CPS1: variants seen among roughly 807,000 people sequenced by gnomAD.
CPS1 encodes carbamoyl-phosphate synthase 1.
In CPS1, 109 loss-of-function variants were observed where a neutral mutation model predicts 174.6. The observed-to-expected ratio is 0.62, with a 90% CI of 0.53 to 0.73. CPS1 has a LOEUF of 0.73. CPS1 is among the 30% of genes least tolerant of loss of function. The probability of loss-of-function intolerance (pLI) is 0.00; values close to 1 mark genes in which losing one functional copy is unlikely to be tolerated. For missense variants in CPS1, 1,689 were observed against 1,821.9 expected, an observed-to-expected ratio of 0.93 and a Z score of 1.33; for synonymous variants, 637 against 632.0, an observed-to-expected ratio of 1.01 and a Z score of -0.12.
At chr2:210,494,040 T>C (rs1314791743) in intron 1 of CPS1, among the ~76,000 whole-genome samples, 1 of 152,158 alleles carries the variant, frequency 6.6e-6, no homozygotes, top group Non-Finnish European at 1.5e-5. Flanking sequence ...TTAAACCTAA[T>C]CTAAACCCAA....
chr2:210,668,286 T>C lies in CPS1; in HGVS notation c.4101+2T>C, dbSNP rs767575696. The C allele has an allele frequency of 6.2e-7, 1 of 1,608,240 alleles. No homozygotes were observed. The highest frequency in any genetic ancestry group is 8.5e-7 in the Non-Finnish European group (1 of 1,174,732). ...AAAGGCATCCTGATAGGCATCCAGG[T>C]AAGTGGTTTGTGGCTGTGTGCTTGC... is the stretch of plus-strand genomic sequence containing the variant. On this transcript the variant is annotated splice_donor_variant, in intron 34 of 37. Transcript: ENST00000233072. LOFTEE classifies it high-confidence loss of function.
chr2:210,642,458 T>C (rs759771286), intron 24 of CPS1, 26 bp from the exon 25 acceptor site: 2 of 1,613,214 alleles, frequency 1.2e-6, no homozygotes, highest in Non-Finnish European at 8.5e-7. Flanking sequence ...CTCTTATCCC[T>C]TTTGCCAATC....
At chr2:210,515,295 C>G (rs916896274) in intron 1 of CPS1, among the ~76,000 whole-genome samples, 2 of 151,024 alleles carry the variant, frequency 1.3e-5, no homozygotes, top group Admixed American at 1.3e-4. Context: ...CTTTGTATGT[C>G]TGGTAGAATT....
At chr2:210,616,661 T>G in intron 21 of CPS1, 120 bp downstream of exon 21, 1 of 769,886 alleles carries the variant, frequency 1.3e-6, no homozygotes, top group Non-Finnish European at 2.3e-6. Context: ...AGTGCCATTG[T>G]TGGAAAATAG....
chr2:210,581,779 TCTC>T, intron 5 of CPS1, among the ~76,000 whole-genome samples: 1 of 152,140 alleles, frequency 6.6e-6, no homozygotes, highest in South Asian at 2.1e-4. Flanking sequence ...CCAAGTGACT[TCTC>T]CTTCAAGGAA....
Position 210,590,792 on chromosome 2 carries a change from T to A in CPS1, c.841-8T>A. 1 of 1,607,560 alleles carries A rather than the reference T, an allele frequency of 6.2e-7. No homozygotes were observed. Among genetic ancestry groups the A allele is most frequent in the Non-Finnish European group, 8.5e-7 (1 of 1,175,222 alleles). On this transcript the variant is annotated splice_region_variant and splice_polypyrimidine_tract_variant and intron_variant, in intron 8 of 37. Coordinates refer to ENST00000233072, the MANE Select transcript of CPS1 (RefSeq NM_001875.5). ...CTAATTGGTTAATAAAAATTCTCCC[T>A]GATTTAGATTTTGGAGAGTGATCGC...
intron 1 of CPS1, among the ~76,000 whole-genome samples, chr2:210,518,220 A>G (rs1473841073): frequency 6.6e-6 from 1 of 152,020 alleles, no homozygotes; most frequent in Non-Finnish European, 1.5e-5. Flanking sequence ...AGTGATCTCT[A>G]TGATGATGCT....
chr2:210,545,461 G>A (rs768466608), intron 1 of CPS1, among the ~76,000 whole-genome samples: 17 of 151,934 alleles, frequency 1.1e-4, no homozygotes, highest in Non-Finnish European at 1.8e-4. Flanking sequence ...CTTATTGGGT[G>A]TGGTAGTAGC....
At chr2:210,497,553 C>T (rs551442550) in intron 1 of CPS1, among the ~76,000 whole-genome samples, 2 of 152,014 alleles carry the variant, frequency 1.3e-5, no homozygotes, top group Non-Finnish European at 2.9e-5. Flanking sequence ...CCTCTCTCCC[C>T]ACTCCAACAG....
chr2:210,659,608 G>A (rs1700847840), intron 31 of CPS1, among the ~76,000 whole-genome samples: 1 of 152,138 alleles, frequency 6.6e-6, no homozygotes, highest in South Asian at 2.1e-4. Flanking sequence ...GACCATAGTA[G>A]TAACCAGCAT....
At chr2:210,670,801 G>A (rs1033930945) in intron 34 of CPS1, among the ~76,000 whole-genome samples, 19 of 152,054 alleles carry the variant, frequency 1.2e-4, no homozygotes, top group African/African-American at 4.6e-4. Flanking sequence ...CAGACTCTCT[G>A]TTTCTGGTCT....
rs1002579173 is a variant in CPS1 at position 210,558,381 on chromosome 2, G to A, written c.126+1522G>A. Among the ~76,000 whole-genome samples, 4 of 151,914 alleles carry A rather than the reference G, an allele frequency of 2.6e-5. No homozygotes were observed. The South Asian group carries it at 8.3e-4, about 31-fold the overall frequency. The stretch of plus-strand genomic sequence containing the variant: ...AGTTATATATATTTTCTTGAATTTA[G>A]CTTAATTATAGCAAAAGAATGGGAA... On this transcript the variant is annotated intron_variant, in intron 1 of 37. Coordinates refer to ENST00000233072, the MANE Select transcript of CPS1 (RefSeq NM_001875.5).
chr2:210,486,997 T>G (rs1694748667), intron 1 of CPS1, among the ~76,000 whole-genome samples: 2 of 152,144 alleles, frequency 1.3e-5, no homozygotes, highest in South Asian at 4.1e-4. Context: ...TTTATTTATT[T>G]ATTTATTTTT....
chr2:210,621,648 A>G (rs1027232745), intron 21 of CPS1, among the ~76,000 whole-genome samples: 6 of 152,088 alleles, frequency 3.9e-5, no homozygotes, highest in African/African-American at 9.7e-5. Context: ...CATAGATTCA[A>G]TTTTGGTCAT....
At chr2:210,544,670 T>G (rs1696516256) in intron 1 of CPS1, among the ~76,000 whole-genome samples, 1 of 152,076 alleles carries the variant, frequency 6.6e-6, no homozygotes, top group Non-Finnish European at 1.5e-5. Context: ...AGGGTAGCTA[T>G]TCCTTGACAA....
At chr2:210,594,713 T>A in intron 12 of CPS1, 107 bp downstream of exon 12, 2 of 774,038 alleles carry the variant, frequency 2.6e-6, no homozygotes, top group Non-Finnish European at 4.5e-6. Context: ...TAATAAAAGA[T>A]GACTGGTAAT....
At chr2:210,597,411 A>G (rs991818865) in intron 13 of CPS1, among the ~76,000 whole-genome samples, 10 of 151,818 alleles carry the variant, frequency 6.6e-5, no homozygotes, top group African/African-American at 2.4e-4. Flanking sequence ...ATTTAACCTT[A>G]CTGAATCTCA....
At chr2:210,623,965 A>G (rs968067842) in intron 21 of CPS1, among the ~76,000 whole-genome samples, 3 of 152,150 alleles carry the variant, frequency 2.0e-5, no homozygotes, top group East Asian at 1.9e-4. Context: ...ATGACAATGT[A>G]TATTTTCTGG....
intron 1 of CPS1, among the ~76,000 whole-genome samples, chr2:210,544,243 C>T (rs763820884): frequency 2.6e-5 from 4 of 152,060 alleles, no homozygotes; most frequent in African/African-American, 7.2e-5. Context: ...TCAGTAGGTA[C>T]GTAATCCTGG....
Sources: gnomAD v4.1 joint callset for allele counts (sites outside exome capture counted in the v4.1 genomes callset) on GRCh38, gnomAD v4.1.1 for gene constraint, MANE v1.5 for transcripts, NCBI Gene and HGNC (gene_info 2026-07-23, HGNC 2026-07-21) for gene names.